Variants in UPRT observed in about 807,000 individuals in gnomAD.
UPRT encodes RP11-311P8.3.
A neutral mutation model predicts 22.6 loss-of-function variants in UPRT; 5 were observed. The ratio of observed to expected loss-of-function variants is 0.22; its 90% CI spans 0.12 to 0.47. The LOEUF (loss-of-function observed/expected upper bound fraction) is 0.47. UPRT is among the 20% of genes least tolerant of loss of function. The pLI, the probability that UPRT is intolerant of heterozygous loss-of-function variation, is 0.99. For missense variants in UPRT, 181 were observed against 239.9 expected (o/e 0.75, Z 1.62); for synonymous variants, 77 against 87.7 (o/e 0.88, Z 0.68).
At chrX:75,239,118 A>C (rs1036028720) in intron 4 of UPRT, among the ~76,000 whole-genome samples, 2 of 111,764 alleles carry the variant, frequency 1.8e-5, no homozygotes, top group Admixed American at 1.9e-4. Context: ...AGATCAGAGC[A>C]GAATTAAATA....
chrX:75,156,591 G>A (rs1217086572), intron 1 of UPRT: 4 of 403,970 alleles, frequency 9.9e-6, no homozygotes. Context: ...TCATCTCTTC[G>A]TGCGTGTGTC....
At chrX:75,266,798 A>C (rs1602482406) in intron 4 of UPRT, among the ~76,000 whole-genome samples, 1 of 111,669 alleles carries the variant, frequency 9.0e-6, no homozygotes, top group Non-Finnish European at 1.9e-5. Flanking sequence ...GACACTTCTC[A>C]AAAGAAGACA....
chrX:75,224,321 A>G (rs1245845321), intron 4 of UPRT, among the ~76,000 whole-genome samples: 1 of 111,627 alleles, frequency 9.0e-6, no homozygotes, highest in African/African-American at 3.3e-5. Flanking sequence ...GTTTCTTTGC[A>G]TGCCTCAAAA....
chrX:75,249,600 C>T (rs557722078), intron 4 of UPRT, among the ~76,000 whole-genome samples: 14 of 111,193 alleles, frequency 1.3e-4, no homozygotes, highest in African/African-American at 3.9e-4. Flanking sequence ...GACTCCCACA[C>T]AATAATAATG....
intron 4 of UPRT, among the ~76,000 whole-genome samples, chrX:75,208,563 G>T (rs1417804428): frequency 3.6e-5 from 4 of 111,645 alleles, no homozygotes; most frequent in Non-Finnish European, 7.5e-5. Context: ...GAATATGGGA[G>T]AGTAGAGCAT....
At chrX:75,178,332 A>G (rs1288760107) in intron 4 of UPRT, among the ~76,000 whole-genome samples, 1 of 111,805 alleles carries the variant, frequency 8.9e-6, no homozygotes, top group Non-Finnish European at 1.9e-5. Context: ...AAGGGGTCCG[A>G]TGGTACTCAC....
chrX:75,274,804 G>GTGTGTGTC (rs2082625108), intron 1 of UPRT, 164 bp downstream of exon 1: 3 of 475,764 alleles, frequency 6.3e-6, no homozygotes, highest in Non-Finnish European at 3.2e-6. Context: ...GTGTGTGTGT[G>GTGTGTGTC]TGTGTGTGTG....
At chrX:75,186,661 C>G (rs1321708406) in intron 4 of UPRT, among the ~76,000 whole-genome samples, 1 of 111,628 alleles carries the variant, frequency 9.0e-6, no homozygotes, top group Non-Finnish European at 1.9e-5. Flanking sequence ...GAGTCTAAGT[C>G]ACTTTGTAGG....
At chrX:75,187,015 C>A (rs1340660263) in intron 4 of UPRT, among the ~76,000 whole-genome samples, 1 of 111,306 alleles carries the variant, frequency 9.0e-6, no homozygotes, top group Non-Finnish European at 1.9e-5. Context: ...GCATTTAGTC[C>A]ATTTACATTT....
intron 4 of UPRT, among the ~76,000 whole-genome samples, chrX:75,212,893 T>A (rs1402862863): frequency 8.9e-6 from 1 of 112,221 alleles, no homozygotes; most frequent in Non-Finnish European, 1.9e-5. Flanking sequence ...GGCACACATT[T>A]ACCTATGTAA....
intron 4 of UPRT, among the ~76,000 whole-genome samples, chrX:75,220,219 C>G (rs747347921): frequency 5.4e-5 from 6 of 110,739 alleles, no homozygotes; most frequent in Non-Finnish European, 5.7e-5. Context: ...TCTGATATAA[C>G]TACACTTGTT....
At chrX:75,280,815 G>A (rs891544669) in intron 1 of UPRT, among the ~76,000 whole-genome samples, 9 of 111,189 alleles carry the variant, frequency 8.1e-5, no homozygotes, top group Middle Eastern at 9.3e-3. Flanking sequence ...AAGAATGATG[G>A]TGGTATTTTG....
chrX:75,251,792 C>G (rs1052197019), intron 4 of UPRT, among the ~76,000 whole-genome samples: 11 of 111,492 alleles, frequency 9.9e-5, no homozygotes, highest in Non-Finnish European at 2.1e-4. Flanking sequence ...GGAGGCATCA[C>G]ACTACCTGAC....
chrX:75,278,544 C>T (rs2082641074), intron 1 of UPRT, among the ~76,000 whole-genome samples: 1 of 111,971 alleles, frequency 8.9e-6, no homozygotes, highest in African/African-American at 3.2e-5. Context: ...ATATACTAAA[C>T]TCAGCAAAAT....
intron 4 of UPRT, among the ~76,000 whole-genome samples, chrX:75,212,346 A>G (rs2082382385): frequency 8.9e-6 from 1 of 112,442 alleles, no homozygotes; most frequent in African/African-American, 3.2e-5. Context: ...CTCAGACCAC[A>G]GGGCAATCAA....
chrX:75,219,727 A>C (rs1372782496), intron 4 of UPRT, among the ~76,000 whole-genome samples: 1 of 111,229 alleles, frequency 9.0e-6, no homozygotes, highest in African/African-American at 3.3e-5. Context: ...TAAAGCCATT[A>C]TTATTAGAGT....
At chrX:75,288,941 G>A (rs2147696889) in intron 1 of UPRT, among the ~76,000 whole-genome samples, 1 of 111,766 alleles carries the variant, frequency 8.9e-6, no homozygotes, top group East Asian at 2.8e-4. Flanking sequence ...AGAAAACCCT[G>A]TAGATTCCAC....
intron 2 of UPRT, among the ~76,000 whole-genome samples, chrX:75,162,023 T>C (rs768488251): frequency 3.6e-5 from 4 of 111,493 alleles, no homozygotes; most frequent in Non-Finnish European, 1.9e-5. Flanking sequence ...TTTTGAACAC[T>C]ATGCATTGGG....
chrX:75,167,452 C>CAT (rs1420864687), intron 3 of UPRT, among the ~76,000 whole-genome samples: 1 of 111,890 alleles, frequency 8.9e-6, no homozygotes, highest in Non-Finnish European at 1.9e-5. Context: ...GGGCCTGGAT[C>CAT]ATATATGTCT....
Sources: gnomAD v4.1 joint callset for allele counts (sites outside exome capture counted in the v4.1 genomes callset) on GRCh38, gnomAD v4.1.1 for gene constraint, MANE v1.5 for transcripts, NCBI Gene and HGNC (gene_info 2026-07-23, HGNC 2026-07-21) for gene names.